DST: variants seen among roughly 807,000 people sequenced by gnomAD.
DST encodes the protein dystonin.
In DST, 253 loss-of-function variants were observed where a neutral mutation model predicts 875.2. The ratio of observed to expected loss-of-function variants is 0.29; its 90% CI spans 0.26 to 0.32. The LOEUF is 0.32. Ranked by LOEUF, DST falls within the 10% of genes least tolerant of loss-of-function variation. DST has a pLI of 1.00. For missense variants in DST, 8,287 were observed against 9,111.6 expected (o/e 0.91, Z 3.68); for synonymous variants, 3,124 against 3,197.1 (o/e 0.98, Z 0.77).
At chr6:56,719,893 A>C (rs1178578766) in intron 5 of DST, among the ~76,000 whole-genome samples, 1 of 152,212 alleles carries the variant, frequency 6.6e-6, no homozygotes, top group East Asian at 1.9e-4. Context: ...TTCACAAGGT[A>C]ATAGAATATC....
At chr6:56,946,426 CAAGAG>C (rs370246505) in intron 2 of DST, among the ~76,000 whole-genome samples, 35 of 152,188 alleles carry the variant, frequency 2.3e-4, no homozygotes, top group African/African-American at 8.2e-4. Context: ...CTTTTCTTGT[CAAGAG>C]AAGAGTTGGT....
At chr6:56,581,670 T>C (rs1562941861) in intron 49 of DST, among the ~76,000 whole-genome samples, 1 of 152,234 alleles carries the variant, frequency 6.6e-6, no homozygotes, top group Non-Finnish European at 1.5e-5. Context: ...TTCCCAGCTT[T>C]AATTTATCTT....
At chr6:56,808,595 C>T (rs1256045497) in intron 4 of DST, among the ~76,000 whole-genome samples, 1 of 152,164 alleles carries the variant, frequency 6.6e-6, no homozygotes, top group Non-Finnish European at 1.5e-5. Context: ...GCTAACCCAA[C>T]ATTCCTTTAA....
At chr6:56,713,936 A>T (rs896288742) in intron 5 of DST, among the ~76,000 whole-genome samples, 2 of 152,226 alleles carry the variant, frequency 1.3e-5, no homozygotes, top group African/African-American at 4.8e-5. Flanking sequence ...ACTGAGAGCA[A>T]CTGGTTGCAT....
rs767610016 is a variant in DST at position 56,504,113 on chromosome 6, C to T, written c.19465-15G>A. ...TCAAATACCGCCTGAAAGACACATT[C>T]GCCCACGTGTTGTTACAACAGTACA... On this transcript the variant is annotated splice_polypyrimidine_tract_variant and intron_variant, in intron 77 of 103. Coordinates refer to ENST00000680361, the MANE Select transcript of DST (RefSeq NM_001374736.1). 9 of 1,569,664 alleles carry T rather than the reference C, an allele frequency of 5.7e-6. No individual in the cohort carries two copies. The highest frequency in any genetic ancestry group is 2.7e-5 in the African/African-American group (2 of 73,956).
chr6:56,622,072 TC>T (rs2098694493), intron 36 of DST, among the ~76,000 whole-genome samples: 6 of 152,254 alleles, frequency 3.9e-5, no homozygotes, highest in Non-Finnish European at 8.8e-5. Context: ...GAGCATTTTA[TC>T]TATTTAAATA....
In DST at chr6:56,637,527, G is replaced by A. The variant is rs573327327; in HGVS notation, c.2965-875C>T. On this transcript the variant is annotated intron_variant, in intron 22 of 103. Transcript: ENST00000680361. ...GGTTTCTCTTTGTTTTTGCTGGGAT[G>A]AGGTTTGGGGAGGGTGGAAAAGAAA... Among the ~76,000 whole-genome samples, 3 of 152,256 alleles carry A rather than the reference G, an allele frequency of 2.0e-5. No homozygotes were observed. In the South Asian group the frequency reaches 6.2e-4, roughly 32 times the overall value.
At chr6:56,634,393 T>C in intron 26 of DST, 69 bp downstream of exon 26, 5 of 1,608,258 alleles carry the variant, frequency 3.1e-6, no homozygotes, top group East Asian at 4.5e-5. Flanking sequence ...TGACAAAGTA[T>C]TGATTGTTCC....
intron 72 of DST, among the ~76,000 whole-genome samples, 184 bp downstream of exon 72, chr6:56,515,265 AC>A (rs2096567034): frequency 3.6e-5 from 3 of 82,808 alleles, no homozygotes; most frequent in Admixed American, 2.5e-4. Flanking sequence ...AAGTATATCC[AC>A]ATGAGTCTTC....
chr6:56,841,016 T>G (rs2099799311), intron 4 of DST, among the ~76,000 whole-genome samples: 1 of 152,048 alleles, frequency 6.6e-6, no homozygotes, highest in Admixed American at 6.5e-5. Flanking sequence ...AATGAGAACA[T>G]AAAATGTTTT....
intron 9 of DST, among the ~76,000 whole-genome samples, chr6:56,686,606 A>G (rs1319649270): frequency 6.6e-6 from 1 of 152,192 alleles, no homozygotes; most frequent in African/African-American, 2.4e-5. Flanking sequence ...CAGTCAGCAC[A>G]CTGTATGACA....
rs996052138 is a variant in DST, at chr6:56,703,636, G to A, written c.876+12C>T. The A allele has an allele frequency of 6.2e-6, 6 of 972,082 alleles. No individual in the cohort carries two copies. The South Asian group carries it at 1.9e-4, about 31-fold the overall frequency. 60.2% of individuals were successfully genotyped at this position (972,082 alleles called of 1,614,324 possible). A position where few individuals can be genotyped will look rare whatever the true frequency, so the allele number is the denominator to read the frequency against. On this transcript the variant is annotated intron_variant, in intron 7 of 103. Coordinates refer to ENST00000680361, the MANE Select transcript of DST (RefSeq NM_001374736.1). ...ACGGCTAGGTTAGTCAAGTTATGGGGGCGACACCTACCCCCTTATCCTCAT... is the reference window on the plus strand; with the variant it reads ...ACGGCTAGGTTAGTCAAGTTATGGGAGCGACACCTACCCCCTTATCCTCAT...
At chr6:56,711,817 C>A (rs541164535) in intron 5 of DST, among the ~76,000 whole-genome samples, 1 of 151,960 alleles carries the variant, frequency 6.6e-6, no homozygotes, top group East Asian at 1.9e-4. Context: ...GGTGGCCGGG[C>A]GCGGTGGCTC....
At chr6:56,796,645 C>T (rs1378928192) in intron 4 of DST, among the ~76,000 whole-genome samples, 1 of 152,114 alleles carries the variant, frequency 6.6e-6, no homozygotes, top group African/African-American at 2.4e-5. Flanking sequence ...GCTACAGAAG[C>T]AACTGCAGAT....
At chr6:56,815,244 A>G (rs1195191114) in intron 4 of DST, among the ~76,000 whole-genome samples, 4 of 152,228 alleles carry the variant, frequency 2.6e-5, no homozygotes, top group African/African-American at 9.6e-5. Flanking sequence ...TATGAATAGA[A>G]AATGGAGCTA....
At chr6:56,525,208 T>C (rs544309461) in intron 69 of DST, among the ~76,000 whole-genome samples, 11 of 152,308 alleles carry the variant, frequency 7.2e-5, no homozygotes, top group African/African-American at 1.2e-4. Flanking sequence ...TCAGTGCCAG[T>C]TGGGAAACGT....
rs1052307369 is a variant in DST at position 56,900,294 on chromosome 6, C to A, written c.417+127G>T. On this transcript the variant is annotated intron_variant, in intron 3 of 103. Transcript: ENST00000680361. ...TGCTGAAACTCATATGAGTACGCTG[C>A]CACTTGTTGGGAATAACAACAACCT... is the stretch of plus-strand genomic sequence containing the variant. 6.8e-6 allele frequency: 5 copies of A among 734,420 alleles called. No individual in the cohort carries two copies. In the East Asian group the frequency reaches 1.6e-4, roughly 23 times the overall value. The allele number at this position is 734,420 out of a possible 1,614,324, so 45.5% of individuals were successfully genotyped here. A position where few individuals can be genotyped will look rare whatever the true frequency, so the allele number is the denominator to read the frequency against.
At chr6:56,871,772 A>G (rs1032898696) in intron 3 of DST, 5 of 367,904 alleles carry the variant, frequency 1.4e-5, no homozygotes, top group South Asian at 1.2e-4. Flanking sequence ...AATACAATTA[A>G]AAGTAAAAAA....
Position 56,497,268 on chromosome 6 carries a change from C to T in DST, c.20223+111G>A, listed in dbSNP as rs2095946634. On this transcript the variant is annotated intron_variant, in intron 82 of 103. Coordinates refer to ENST00000680361, the MANE Select transcript of DST (RefSeq NM_001374736.1). ...AACATGTATACACAGTGATTTCTGC[C>T]ATAAACTATATCTTTAAAGCCTTCT... 6 of 1,273,464 alleles carry T rather than the reference C, an allele frequency of 4.7e-6. No homozygotes were observed. In the South Asian group the frequency reaches 8.1e-5, roughly 17 times the overall value. The allele number at this position is 1,273,464 out of a possible 1,614,324, so 78.9% of individuals were successfully genotyped here.
Sources: allele counts gnomAD v4.1 joint callset (sites outside exome capture counted in the v4.1 genomes callset), GRCh38; gene constraint gnomAD v4.1.1; transcripts MANE v1.5; gene names NCBI Gene and HGNC (gene_info 2026-07-23, HGNC 2026-07-21).